ACCS: variants seen among roughly 807,000 people sequenced by gnomAD.
ACCS encodes 1-aminocyclopropane-1-carboxylate synthase homolog (inactive).
ACCS carries 42 observed loss-of-function variants against 59.8 expected under a neutral mutation model. That is an observed-to-expected ratio of 0.70 (90% CI 0.55 to 0.91). The LOEUF (loss-of-function observed/expected upper bound fraction) is 0.91. Among genes scored for constraint, ACCS ranks in the 40% least tolerant of loss-of-function variants. The probability of loss-of-function intolerance (pLI) is 0.00; values close to 1 mark genes in which losing one functional copy is unlikely to be tolerated. For missense variants in ACCS, 602 were observed against 630.4 expected (o/e 0.95, Z 0.48); for synonymous variants, 230 against 240.3 (o/e 0.96, Z 0.40).
At chr11:44,069,534 C>T (rs1466608547) in intron 2 of ACCS, among the ~76,000 whole-genome samples, 1 of 152,182 alleles carries the variant, frequency 6.6e-6, no homozygotes, top group East Asian at 1.9e-4. Flanking sequence ...CGTGCCAGTC[C>T]ACGCCACCAC....
Position 44,079,430 on chromosome 11 carries a change from AC to A in ACCS, c.834-97del, listed in dbSNP as rs878970288. 3.2e-5 allele frequency: 30 copies of A among 946,950 alleles called. No individual in the cohort carries two copies. In the South Asian group the frequency reaches 4.3e-4, roughly 14 times the overall value. 58.7% of individuals were successfully genotyped at this position (946,950 alleles called of 1,614,324 possible). On this transcript the variant is annotated intron_variant, in intron 9 of 14. Coordinates refer to ENST00000263776, the MANE Select transcript of ACCS (RefSeq NM_032592.4). ...AACAAGTTTGGTAACCCCGGGCTAG[AC>A]CCCGGCCCCTCTGGATTTCTGATGT... is the stretch of plus-strand genomic sequence containing the variant.
chr11:44,074,965 C>T (rs1953281784), intron 5 of ACCS, among the ~76,000 whole-genome samples: 1 of 151,610 alleles, frequency 6.6e-6, no homozygotes, highest in Non-Finnish European at 1.5e-5. Context: ...GGTGGGATTA[C>T]AGGCATGCAC....
Position 44,083,330 on chromosome 11 carries a change from C to T in ACCS, c.1254+19C>T, listed in dbSNP as rs754341483. 173 of 1,613,448 alleles carry T rather than the reference C, an allele frequency of 1.1e-4. 1 individual carries two copies. In the South Asian group the frequency reaches 1.5e-3, roughly 14 times the overall value. On this transcript the variant is annotated intron_variant, in intron 13 of 14. Transcript: ENST00000263776. ...GAGAAAGGTAATGCTGGTGGAGGTG[C>T]GGGCTGAGAGGGAGTTTCAGGTCTC...
intron 8 of ACCS, chr11:44,078,210 T>A: frequency 2.3e-6 from 1 of 439,080 alleles, no homozygotes; most frequent in Non-Finnish European, 4.0e-6. Context: ...ATTCAGTGGG[T>A]CAAGTATGGA....
chr11:44,067,714 G>C lies in ACCS; in HGVS notation c.87G>C (p.Gly29=). The C allele has an allele frequency of 1.2e-6, 2 of 1,614,202 alleles. No homozygotes were observed. The highest frequency in any genetic ancestry group is 1.7e-6 in the Non-Finnish European group (2 of 1,180,036). Residue 29 remains glycine, a synonymous_variant, in exon 2 of 15, where the codon GGG becomes GGC. Transcript: ENST00000263776. ...TCMQDLGSSH[G]EDLEGECSRK... ...TGCAGGACCTGGGCAGTAGCCATGG[G>C]GAAGATCTGGAAGGAGAATGCTCCA...
intron 12 of ACCS, among the ~76,000 whole-genome samples, chr11:44,082,635 A>G (rs946832741): frequency 6.6e-6 from 1 of 152,210 alleles, no homozygotes; most frequent in Non-Finnish European, 1.5e-5. Context: ...GTGACTATCA[A>G]CAGCATCAGG....
chr11:44,070,586 G>C (rs1056150590), intron 2 of ACCS, among the ~76,000 whole-genome samples: 2 of 152,182 alleles, frequency 1.3e-5, no homozygotes, highest in African/African-American at 4.8e-5. Flanking sequence ...CTGTGCGTGA[G>C]GCCTGCACCG....
chr11:44,082,434 G>A (rs1229123881), intron 12 of ACCS, among the ~76,000 whole-genome samples: 1 of 152,184 alleles, frequency 6.6e-6, no homozygotes, highest in East Asian at 1.9e-4. Flanking sequence ...CCACTCAATG[G>A]AACACTACTC....
chr11:44,074,737 T>C (rs1411930398), intron 5 of ACCS, 56 bp downstream of exon 5: 4 of 116,924 alleles, frequency 3.4e-5, no homozygotes, highest in South Asian at 6.0e-4. Flanking sequence ...TCTCCATCTC[T>C]TTCTTTCTTT....
intron 10 of ACCS, 89 bp downstream of exon 10, chr11:44,079,709 C>T (rs1953552361): frequency 8.6e-7 from 1 of 1,162,282 alleles, no homozygotes; most frequent in Non-Finnish European, 1.2e-6. Flanking sequence ...AGGGCATGGC[C>T]TGCCCAGAGC....
At position 44,083,931 on chromosome 11, in the gene ACCS, T is replaced by C. The variant is rs1953755498; in HGVS notation, c.*139T>C. Reference sequence around the variant, plus strand: ...GGCTTTGTGCCTGAAGAACTGTTTCTTGTCTTTCGCTGTAGCAGTGGGAAA... The same window carrying C: ...GGCTTTGTGCCTGAAGAACTGTTTCCTGTCTTTCGCTGTAGCAGTGGGAAA... On this transcript the variant is annotated 3_prime_UTR_variant, in exon 15 of 15. Coordinates refer to ENST00000263776, the MANE Select transcript of ACCS (RefSeq NM_032592.4). 6.8e-7 allele frequency: 1 copy of C among 1,471,580 alleles called. No individual in the cohort carries two copies. Among genetic ancestry groups the C allele is most frequent in the African/African-American group, 1.4e-5 (1 of 71,338 alleles). The allele number at this position is 1,471,580 out of a possible 1,614,324, so 91.2% of individuals were successfully genotyped here.
intron 11 of ACCS, 54 bp downstream of exon 11, chr11:44,081,119 G>A: frequency 6.2e-7 from 1 of 1,614,162 alleles, no homozygotes; most frequent in Non-Finnish European, 8.5e-7. Flanking sequence ...GCAGAGAGGT[G>A]GGTGGAACCA....
rs758922927 is a variant in ACCS, at chr11:44,081,011, T to C, written c.924-9T>C. 27 of 1,614,086 alleles carry C rather than the reference T, an allele frequency of 1.7e-5. No homozygotes were observed. The highest frequency in any genetic ancestry group is 3.3e-4 in the Middle Eastern group (2 of 6,084). The stretch of plus-strand genomic sequence containing the variant: ...TGTTGCCTCTGTTCCCATGCTGTGC[T>C]CTCTGCAGGCTCCCTGACCCCCAGA... On this transcript the variant is annotated splice_polypyrimidine_tract_variant and intron_variant, in intron 10 of 14. Coordinates refer to ENST00000263776, the MANE Select transcript of ACCS (RefSeq NM_032592.4).
At chr11:44,076,948 C>G (rs966127007) in intron 6 of ACCS, among the ~76,000 whole-genome samples, 9 of 152,158 alleles carry the variant, frequency 5.9e-5, no homozygotes, top group African/African-American at 1.9e-4. Flanking sequence ...CATCAGATCT[C>G]GTGAGACTTA....
Position 44,077,360 on chromosome 11 carries a change from T to G in ACCS, c.638T>G (p.Val213Gly). 6.2e-7 allele frequency: 1 copy of G among 1,614,164 alleles called. No homozygotes were observed. Among genetic ancestry groups the G allele is most frequent in the East Asian group, 2.2e-5 (1 of 44,880 alleles). ...TATGGCAACATCCGGCTGGCCTATG[T>G]CTACCTGGACAGTGAGGTAAGAGTC... ...CLYGNIRLAY[V>G]YLDSEVTGLD... Residue 213 changes from valine to glycine, a missense_variant, in exon 7 of 15, where the codon GTC (valine) becomes GGC (glycine). Coordinates refer to ENST00000263776, the MANE Select transcript of ACCS (RefSeq NM_032592.4).
chr11:44,082,774 G>T (rs1338414864), intron 12 of ACCS, among the ~76,000 whole-genome samples: 5 of 152,194 alleles, frequency 3.3e-5, no homozygotes, highest in Non-Finnish European at 4.4e-5. Flanking sequence ...ATGAGGATCA[G>T]AGAGGTGAAG....
chr11:44,081,528 C>G (rs1037859506), intron 12 of ACCS, among the ~76,000 whole-genome samples: 26 of 152,268 alleles, frequency 1.7e-4, no homozygotes, highest in Non-Finnish European at 7.3e-5. Context: ...GTATGAGCCT[C>G]AGTTTCCTCA....
In ACCS at chr11:44,066,575, G is replaced by T. The variant is rs1952804760; in HGVS notation, c.-127G>T. On this transcript the variant is annotated 5_prime_UTR_variant, in exon 1 of 15. Coordinates refer to ENST00000263776, the MANE Select transcript of ACCS (RefSeq NM_032592.4). ...AGTGCGGGTATCTGGCTGTGGATTCGCCGCCGTCCTGCTGGACGCCTGGAG... is the reference window on the plus strand; with the variant it reads ...AGTGCGGGTATCTGGCTGTGGATTCTCCGCCGTCCTGCTGGACGCCTGGAG... The T allele has an allele frequency of 6.6e-6, 1 of 152,264 alleles. No individual in the cohort carries two copies. The highest frequency in any genetic ancestry group is 2.4e-5 in the African/African-American group (1 of 41,460). 9.4% of individuals were successfully genotyped at this position (152,264 alleles called of 1,614,324 possible).
rs374629229 is a variant in ACCS, at chr11:44,067,880, C to G, written c.253C>G (p.His85Asp). The G allele has an allele frequency of 5.0e-6, 8 of 1,612,256 alleles. No individual in the cohort carries two copies. The highest frequency in any genetic ancestry group is 4.5e-5 in the East Asian group (2 of 44,880). ...DSAEEGYRTYHMDEYDEDKNP... is the reference protein window; with the variant it reads ...DSAEEGYRTYDMDEYDEDKNP... The stretch of plus-strand genomic sequence containing the variant: ...AGCTGAGGAGGGCTACAGGACCTAC[C>G]ACATGGATGAGTATGATGAGGACAA... Residue 85 changes from histidine to aspartate, a missense_variant, in exon 2 of 15, where the codon CAC becomes GAC. Physicochemically the swap from His to Asp is moderately conservative, Grantham distance 81. Transcript: ENST00000263776.
Sources: allele counts gnomAD v4.1 joint callset (sites outside exome capture counted in the v4.1 genomes callset), GRCh38; gene constraint gnomAD v4.1.1; transcripts MANE v1.5; gene names NCBI Gene and HGNC (gene_info 2026-07-23, HGNC 2026-07-21).